The following PITPNC1 variants were observed in gnomAD, a reference collection of about 807,000 sequenced individuals.
PITPNC1 encodes cytoplasmic phosphatidylinositol transfer protein 1.
PITPNC1 carries 18 observed loss-of-function variants against 44.7 expected under a neutral mutation model. That is an observed-to-expected ratio of 0.40 (90% CI 0.28 to 0.60). The LOEUF (loss-of-function observed/expected upper bound fraction) is 0.60, where lower values mean the gene tolerates loss of function less well. Among genes scored for constraint, PITPNC1 ranks in the 20% least tolerant of loss-of-function variants. The pLI, the probability that PITPNC1 is intolerant of heterozygous loss-of-function variation, is 0.39. For missense variants in PITPNC1, 290 were observed against 418.4 expected (o/e 0.69, Z 2.68); for synonymous variants, 141 against 149.6 (o/e 0.94, Z 0.42).
rs566654607 is a variant in PITPNC1, at chr17:67,611,190, T to A, written c.367-20953T>A. 3 of 152,330 alleles carry A rather than the reference T, an allele frequency of 2.0e-5. No homozygotes were observed. In the East Asian group the frequency reaches 5.8e-4, roughly 29 times the overall value. 9.4% of individuals were successfully genotyped at this position (152,330 alleles called of 1,614,324 possible). On this transcript the variant is annotated intron_variant, in intron 5 of 8. Coordinates refer to ENST00000581322, the MANE Select transcript of PITPNC1 (RefSeq NM_012417.4). ...GAAGAAGGTCTGAGGGATGCATAGA[T>A]GAATGAGATATATTGTATAGCTTAT...
At chr17:67,491,458 A>G (rs1486519669) in intron 1 of PITPNC1, among the ~76,000 whole-genome samples, 2 of 152,206 alleles carry the variant, frequency 1.3e-5, no homozygotes, top group African/African-American at 4.8e-5. Flanking sequence ...CCCCAAGTTC[A>G]TGAACATCTG....
At chr17:67,382,267 A>G (rs2037972611) in intron 1 of PITPNC1, among the ~76,000 whole-genome samples, 1 of 152,126 alleles carries the variant, frequency 6.6e-6, no homozygotes, top group Admixed American at 6.6e-5. Flanking sequence ...CCAGGAAAAA[A>G]GAACAGCTCT....
intron 1 of PITPNC1, among the ~76,000 whole-genome samples, chr17:67,518,278 A>C (rs1377378950): frequency 6.6e-6 from 1 of 152,168 alleles, no homozygotes; most frequent in African/African-American, 2.4e-5. Flanking sequence ...GTGCCCTTAC[A>C]AAGAGTGATT....
intron 7 of PITPNC1, among the ~76,000 whole-genome samples, chr17:67,673,563 G>A (rs560383425): frequency 6.6e-6 from 1 of 152,076 alleles, no homozygotes; most frequent in South Asian, 2.1e-4. Flanking sequence ...TCCTTTCAAT[G>A]GTAAACGGCC....
intron 1 of PITPNC1, among the ~76,000 whole-genome samples, chr17:67,425,283 A>G (rs55678491): frequency 0.23 from 33,394 of 146,524 alleles, 4,373 homozygotes; most frequent in Middle Eastern, 0.34. Flanking sequence ...AGAGAGAGAA[A>G]TGACCTCTCT....
intron 1 of PITPNC1, among the ~76,000 whole-genome samples, chr17:67,449,207 CT>C (rs2039142465): frequency 6.6e-6 from 1 of 152,240 alleles, no homozygotes; most frequent in Non-Finnish European, 1.5e-5. Context: ...TTAATTTTCT[CT>C]GACTTTCTAA....
At chr17:67,514,843 G>C (rs748146210) in intron 1 of PITPNC1, among the ~76,000 whole-genome samples, 3 of 151,998 alleles carry the variant, frequency 2.0e-5, no homozygotes, top group Non-Finnish European at 4.4e-5. Context: ...AAGAAAAAAA[G>C]TCAAGGGAGA....
At chr17:67,615,645 G>A (rs2144302171) in intron 5 of PITPNC1, among the ~76,000 whole-genome samples, 1 of 152,290 alleles carries the variant, frequency 6.6e-6, no homozygotes, top group Admixed American at 6.5e-5. Context: ...CACCGAGGCT[G>A]TGAAAGGCTG....
Position 67,568,683 on chromosome 17 carries a change from G to C in PITPNC1, c.295-9503G>C, listed in dbSNP as rs77895255. ...TAAAGCTATATTTTGGGGGGAAAAG[G>C]GGGAAACAGCTCCTGAGTTTGGGGG... On this transcript the variant is annotated intron_variant, in intron 4 of 8. Transcript: ENST00000581322. 9.7e-3 allele frequency among the ~76,000 whole-genome samples: 1,479 copies of C among 151,924 alleles called. 24 individuals carry two copies. Among genetic ancestry groups the C allele is most frequent in the African/African-American group, 0.034 (1,400 of 41,420 alleles).
At chr17:67,431,062 C>CTTTTTTT (rs6146118) in intron 1 of PITPNC1, among the ~76,000 whole-genome samples, 2 of 133,046 alleles carry the variant, frequency 1.5e-5, no homozygotes, top group African/African-American at 2.8e-5. Flanking sequence ...GTTACTGTTT[C>CTTTTTTT]TTTTTTTTTT....
At position 67,685,570 on chromosome 17, in the gene PITPNC1, AGCCAATTAGTG is replaced by A. The variant is rs138274128; in HGVS notation, c.683-7000_683-6990del. On this transcript the variant is annotated intron_variant, in intron 8 of 8. Coordinates refer to ENST00000581322, the MANE Select transcript of PITPNC1 (RefSeq NM_012417.4). ...GAATGCCCACTCTAAATCCCCACTA[AGCCAATTAGTG>A]GTCAGGGTGGCAGAGGAAGCACTTT... is the stretch of plus-strand genomic sequence containing the variant. 5.3e-3 allele frequency among the ~76,000 whole-genome samples: 814 copies of A among 152,338 alleles called. 10 individuals are homozygous for A. Among genetic ancestry groups the A allele is most frequent in the African/African-American group, 0.018 (736 of 41,566 alleles).
At chr17:67,507,003 G>C (rs2040112722) in intron 1 of PITPNC1, among the ~76,000 whole-genome samples, 1 of 152,156 alleles carries the variant, frequency 6.6e-6, no homozygotes, top group African/African-American at 2.4e-5. Context: ...GCTATAATCA[G>C]TTGATAGTAT....
intron 5 of PITPNC1, among the ~76,000 whole-genome samples, chr17:67,615,006 A>G (rs1488939278): frequency 6.6e-6 from 1 of 151,952 alleles, no homozygotes; most frequent in Non-Finnish European, 1.5e-5. Flanking sequence ...ACCTAATTCT[A>G]CCACAACCCT....
chr17:67,667,508 A>AAAAAG, intron 6 of PITPNC1, among the ~76,000 whole-genome samples: 1 of 147,616 alleles, frequency 6.8e-6, no homozygotes, highest in East Asian at 2.0e-4. Flanking sequence ...AAAAAAAAAA[A>AAAAAG]GTACTGAAAA....
At chr17:67,585,076 A>T (rs1008385946) in intron 5 of PITPNC1, among the ~76,000 whole-genome samples, 4 of 146,270 alleles carry the variant, frequency 2.7e-5, no homozygotes, top group African/African-American at 1.0e-4. Context: ...AGATCGTGCC[A>T]TTGCACTCCA....
chr17:67,458,664 G>C (rs1369305419), intron 1 of PITPNC1, among the ~76,000 whole-genome samples: 2 of 152,084 alleles, frequency 1.3e-5, no homozygotes, highest in African/African-American at 4.8e-5. Flanking sequence ...GTTCCCTGGA[G>C]CTCTAATAAT....
intron 1 of PITPNC1, among the ~76,000 whole-genome samples, chr17:67,432,625 CA>C (rs2038874064): frequency 6.6e-6 from 1 of 152,118 alleles, no homozygotes; most frequent in Non-Finnish European, 1.5e-5. Context: ...ACAGATAAGC[CA>C]AAAAGTCCTC....
chr17:67,462,225 CTTTTTTTTTTT>C (rs549707875), intron 1 of PITPNC1, among the ~76,000 whole-genome samples: 1 of 71,256 alleles, frequency 1.4e-5, no homozygotes, highest in African/African-American at 6.2e-5. Context: ...TTCTTTCTTT[CTTTTTTTTTTT>C]TTTTTTTTTT....
In PITPNC1 at chr17:67,468,526, C is replaced by T. The variant is rs1448714277; in HGVS notation, c.49-64276C>T. Reference sequence around the variant, plus strand: ...TGGCCATTCTCCTGCCTCAGCCTCCCGAGTAGCTGGGACTACTGGTGCCCA... The same window carrying T: ...TGGCCATTCTCCTGCCTCAGCCTCCTGAGTAGCTGGGACTACTGGTGCCCA... On this transcript the variant is annotated intron_variant, in intron 1 of 8. Coordinates refer to ENST00000581322, the MANE Select transcript of PITPNC1 (RefSeq NM_012417.4). Among the ~76,000 whole-genome samples, 7 of 150,508 alleles carry T rather than the reference C, an allele frequency of 4.7e-5. No homozygotes were observed. The South Asian group carries it at 1.1e-3, about 23-fold the overall frequency.
Sources: gnomAD v4.1 joint callset for allele counts (sites outside exome capture counted in the v4.1 genomes callset) on GRCh38, gnomAD v4.1.1 for gene constraint, MANE v1.5 for transcripts, NCBI Gene and HGNC (gene_info 2026-07-23, HGNC 2026-07-21) for gene names.